The following WNT7B variants were observed in gnomAD, a reference collection of about 807,000 sequenced individuals.
The protein encoded by WNT7B is protein Wnt-7b.
WNT7B carries 19 observed loss-of-function variants against 38.2 expected under a neutral mutation model. The ratio of observed to expected loss-of-function variants is 0.50; its 90% CI spans 0.35 to 0.73. The LOEUF (loss-of-function observed/expected upper bound fraction) is 0.73. Ranked by LOEUF, WNT7B falls within the 30% of genes least tolerant of loss-of-function variation. WNT7B has a pLI of 0.01. For missense variants in WNT7B, 423 were observed against 507.9 expected (o/e 0.83, Z 1.61); for synonymous variants, 243 against 209.3 (o/e 1.16, Z -1.39).
At chr22:45,956,311 G>A (rs1209059683) in intron 1 of WNT7B, among the ~76,000 whole-genome samples, 3 of 152,194 alleles carry the variant, frequency 2.0e-5, no homozygotes, top group Non-Finnish European at 2.9e-5. Context: ...AGCACGGGCC[G>A]CTGGCCTGCA....
intron 1 of WNT7B, among the ~76,000 whole-genome samples, chr22:45,952,746 T>C (rs1008392371): frequency 3.3e-5 from 5 of 152,186 alleles, no homozygotes; most frequent in African/African-American, 1.2e-4. Context: ...ATCACTGCCA[T>C]GGCCAAAGCC....
chr22:45,941,380 A>G (rs1394524800), intron 2 of WNT7B, among the ~76,000 whole-genome samples: 5 of 152,018 alleles, frequency 3.3e-5, no homozygotes, highest in Non-Finnish European at 7.4e-5. Flanking sequence ...GTGTGGTGGC[A>G]GGGGCCTGTA....
intron 1 of WNT7B, among the ~76,000 whole-genome samples, chr22:45,955,708 G>A (rs913544070): frequency 2.0e-5 from 3 of 152,212 alleles, no homozygotes; most frequent in African/African-American, 7.2e-5. Context: ...CAGGTGGGAT[G>A]GGCAGGTTGC....
chr22:45,948,857 T>G (rs867802191), intron 2 of WNT7B, among the ~76,000 whole-genome samples: 1 of 114,100 alleles, frequency 8.8e-6, no homozygotes, highest in East Asian at 2.9e-4. Context: ...TTTTTTTTTT[T>G]CCCCTGAGAC....
At chr22:45,934,596 G>T (rs941091267) in intron 2 of WNT7B, among the ~76,000 whole-genome samples, 1 of 152,182 alleles carries the variant, frequency 6.6e-6, no homozygotes, top group African/African-American at 2.4e-5. Flanking sequence ...CGGGTCAGGG[G>T]ATGCCACTGT....
intron 2 of WNT7B, among the ~76,000 whole-genome samples, chr22:45,947,571 T>C (rs1004108930): frequency 6.6e-6 from 1 of 152,102 alleles, no homozygotes. Context: ...CTGCGGCCAA[T>C]AGGGCAGAGC....
intron 1 of WNT7B, among the ~76,000 whole-genome samples, chr22:45,960,387 G>T (rs145057392): frequency 6.6e-6 from 1 of 152,236 alleles, no homozygotes; most frequent in South Asian, 2.1e-4. Context: ...CTGTGTCAGC[G>T]GCAGACTCCC....
chr22:45,926,849 G>A (rs1409499731), intron 3 of WNT7B: 6 of 985,288 alleles, frequency 6.1e-6, no homozygotes, highest in Non-Finnish European at 7.2e-6. Context: ...TGTGGAGGGT[G>A]TGCCCCTCCC....
chr22:45,975,491 G>A lies in WNT7B; in HGVS notation c.71+1193C>T. 1.4e-6 allele frequency: 1 copy of A among 712,752 alleles called. No individual in the cohort carries two copies. The highest frequency in any genetic ancestry group is 2.6e-6 in the Non-Finnish European group (1 of 382,276). The allele number at this position is 712,752 out of a possible 1,614,324, so 44.2% of individuals were successfully genotyped here. On this transcript the variant is annotated intron_variant, in intron 1 of 3. Coordinates refer to ENST00000339464, the MANE Select transcript of WNT7B (RefSeq NM_058238.3). The surrounding 1 kb of genome is among the most constrained non-coding windows in gnomAD (Gnocchi z 6.6). ...GGCTAGGACGGGGGCTTCCAGTCCT[G>A]CCTCTGAAGCCACTGGCTTTGTCTC... is the stretch of plus-strand genomic sequence containing the variant.
rs1569112367 is a variant in WNT7B at position 45,931,143 on chromosome 22, GTTC to G, written c.522_524del (p.Lys174del). 4 of 1,594,300 alleles carry G rather than the reference GTTC, an allele frequency of 2.5e-6. No individual in the cohort carries two copies. The highest frequency in any genetic ancestry group is 2.6e-6 in the Non-Finnish European group (3 of 1,174,724). On this transcript the variant is annotated inframe_deletion, in exon 3 of 4. Transcript: ENST00000339464. Reference sequence around the variant, plus strand: ...TATGCAGGTTCATGAGGCGCCGCGCGTTCTTCTTGATCTCCCGAGCGTCCACGA... The same window carrying G: ...TATGCAGGTTCATGAGGCGCCGCGCGTTCTTGATCTCCCGAGCGTCCACGA...
intron 2 of WNT7B, among the ~76,000 whole-genome samples, chr22:45,934,797 T>A (rs570615455): frequency 6.6e-6 from 1 of 152,248 alleles, no homozygotes; most frequent in Non-Finnish European, 1.5e-5. Context: ...TTTTATTTGC[T>A]TTTAATGAGC....
At chr22:45,931,603 G>GAGGTTCAGCTCTCATTTCCGCTT (rs1569112749) in intron 2 of WNT7B, among the ~76,000 whole-genome samples, 1 of 152,018 alleles carries the variant, frequency 6.6e-6, no homozygotes, top group African/African-American at 2.4e-5. Context: ...CACCCTGTGA[G>GAGGTTCAGCTCTCATTTCCGCTT]TGCCTGGTAC....
chr22:45,966,054 A>G lies in WNT7B; in HGVS notation c.71+10630T>C, dbSNP rs1308315639. On this transcript the variant is annotated intron_variant, in intron 1 of 3. Coordinates refer to ENST00000339464, the MANE Select transcript of WNT7B (RefSeq NM_058238.3). The surrounding 1 kb of genome is among the most constrained non-coding windows in gnomAD (Gnocchi z 4.2). ...GTCTTCCTCACTCCACCACCTACCA[A>G]GGCAGACGGGCCTCTCCTAGCTCCC... Among the ~76,000 whole-genome samples the G allele has an allele frequency of 6.6e-6, 1 of 152,078 alleles. No individual in the cohort carries two copies. Among genetic ancestry groups the G allele is most frequent in the Non-Finnish European group, 1.5e-5 (1 of 68,008 alleles).
rs146812256 is a variant in WNT7B at position 45,965,155 on chromosome 22, C to A, written c.71+11529G>T. On this transcript the variant is annotated intron_variant, in intron 1 of 3. Coordinates refer to ENST00000339464, the MANE Select transcript of WNT7B (RefSeq NM_058238.3). This position sits in a 1 kb window ranked among gnomAD's most constrained non-coding sequence, Gnocchi z 6.5. ...TGATGCTGCCACATCCTCTTCACACCTCCAGGTCTTTGCCCACGTCTGTCC... is the reference window on the plus strand; with the variant it reads ...TGATGCTGCCACATCCTCTTCACACATCCAGGTCTTTGCCCACGTCTGTCC... Among the ~76,000 whole-genome samples, 1 of 152,292 alleles carries A rather than the reference C, an allele frequency of 6.6e-6. No individual in the cohort carries two copies. The highest frequency in any genetic ancestry group is 2.4e-5 in the African/African-American group (1 of 41,556).
At chr22:45,949,327 A>ACCCCCCCCCCCCCCCCCACC (rs1931872695) in intron 2 of WNT7B, among the ~76,000 whole-genome samples, 1 of 123,708 alleles carries the variant, frequency 8.1e-6, no homozygotes, top group Non-Finnish European at 1.7e-5. Flanking sequence ...CACTCCCCAC[A>ACCCCCCCCCCCCCCCCCACC]CCCGCCCACC....
intron 3 of WNT7B, among the ~76,000 whole-genome samples, chr22:45,924,271 G>T (rs1006296129): frequency 1.3e-5 from 2 of 152,208 alleles, no homozygotes; most frequent in African/African-American, 4.8e-5. Flanking sequence ...GGCACCTGCT[G>T]TTGGCCCCCA....
At chr22:45,925,217 C>T (rs567130931) in intron 3 of WNT7B, 275 of 980,892 alleles carry the variant, frequency 2.8e-4, no homozygotes, top group Non-Finnish European at 3.1e-4. Context: ...GCCGGGTGGG[C>T]GCAAAGTCTC....
At chr22:45,942,773 G>A (rs573613557) in intron 2 of WNT7B, among the ~76,000 whole-genome samples, 145 of 152,334 alleles carry the variant, frequency 9.5e-4, no homozygotes, top group African/African-American at 3.4e-3. Context: ...CGTCTGGGCC[G>A]CTTTTATTAA....
intron 3 of WNT7B, chr22:45,927,519 A>G (rs2146706340): frequency 1.3e-6 from 2 of 1,535,498 alleles, no homozygotes; most frequent in Non-Finnish European, 1.8e-6. Context: ...GGGCCTTTAC[A>G]GATGTGGTCA....
Sources: allele counts gnomAD v4.1 joint callset (sites outside exome capture counted in the v4.1 genomes callset), GRCh38; gene constraint gnomAD v4.1.1; non-coding constraint Gnocchi (gnomAD v3.1); transcripts MANE v1.5; gene names NCBI Gene and HGNC (gene_info 2026-07-23, HGNC 2026-07-21).